The following SLC30A8 variants were observed in gnomAD, a reference collection of about 807,000 sequenced individuals.
SLC30A8 encodes solute carrier family 30 member 8.
SLC30A8 carries 27 observed loss-of-function variants against 36.9 expected under a neutral mutation model. The observed-to-expected ratio is 0.73, with a 90% CI of 0.54 to 1.01. The LOEUF is 1.01. Among genes scored for constraint, SLC30A8 ranks in the 50% least tolerant of loss-of-function variants. SLC30A8 has a pLI of 0.00. For synonymous variants in SLC30A8, 164 were observed against 172.4 expected, an observed-to-expected ratio of 0.95 and a Z score of 0.38; for missense variants, 439 against 452.0, an observed-to-expected ratio of 0.97 and a Z score of 0.26.
intron 1 of SLC30A8, among the ~76,000 whole-genome samples, chr8:117,137,728 A>G (rs1244261005): frequency 1.3e-5 from 2 of 151,892 alleles, no homozygotes; most frequent in Non-Finnish European, 2.9e-5. Context: ...TCCTTATGTG[A>G]CAGTCCAGAG....
chr8:117,046,791 G>T (rs891512470), intron 2 of SLC30A8, among the ~76,000 whole-genome samples: 4 of 152,156 alleles, frequency 2.6e-5, no homozygotes, highest in African/African-American at 9.7e-5. Context: ...CCACTCTACG[G>T]ATTTCCTGCC....
chr8:117,087,136 C>G (rs1818911056), intron 2 of SLC30A8, among the ~76,000 whole-genome samples: 1 of 152,034 alleles, frequency 6.6e-6, no homozygotes, highest in Non-Finnish European at 1.5e-5. Context: ...GATATGGTAG[C>G]TTTGAAGGAA....
intron 1 of SLC30A8, among the ~76,000 whole-genome samples, chr8:117,021,576 C>T (rs1167743218): frequency 6.6e-6 from 1 of 152,154 alleles, no homozygotes; most frequent in Admixed American, 6.5e-5. Context: ...CACATTCATC[C>T]ACATTTTCAA....
chr8:117,133,261 T>A (rs2130927938), upstream of SLC30A8, among the ~76,000 whole-genome samples: 1 of 152,100 alleles, frequency 6.6e-6, no homozygotes, highest in Non-Finnish European at 1.5e-5. Context: ...GGTCTCTCAT[T>A]GTCTCTTTTC....
intron 2 of SLC30A8, among the ~76,000 whole-genome samples, chr8:117,124,445 A>G (rs190107412): frequency 4.6e-5 from 7 of 151,994 alleles, no homozygotes; most frequent in African/African-American, 1.2e-4. Context: ...ACCCGGGCTC[A>G]TGCAGGCTCA....
intron 1 of SLC30A8, among the ~76,000 whole-genome samples, chr8:116,964,335 A>G (rs1189265713): frequency 2.0e-5 from 3 of 152,256 alleles, no homozygotes; most frequent in Non-Finnish European, 4.4e-5. Context: ...CTGTTAATTT[A>G]AAGCAGAAGC....
intron 7 of SLC30A8, among the ~76,000 whole-genome samples, chr8:117,171,768 A>G (rs1823399283): frequency 1.3e-5 from 2 of 152,130 alleles, no homozygotes. Context: ...AGCTGGGAGG[A>G]TAGGCAGTGG....
In SLC30A8 at chr8:117,157,740, C is replaced by T. The variant is rs757129691; in HGVS notation, c.468C>T (p.Gly156=). 1.8e-5 allele frequency: 29 copies of T among 1,613,874 alleles called. No individual in the cohort carries two copies. In the East Asian group the frequency reaches 2.5e-4, roughly 14 times the overall value. The change falls in exon 4 of 8, where the codon GGC becomes GGT. Residue 156 remains glycine, a synonymous_variant. Coordinates refer to ENST00000456015, the MANE Select transcript of SLC30A8 (RefSeq NM_173851.3). ...TCCTGTGCATCTGGGTGGTGACTGG[C>T]GTGCTAGTGTACCTGGCATGTGAGC... ...LSILCIWVVT[G]VLVYLACERL...
intron 2 of SLC30A8, among the ~76,000 whole-genome samples, chr8:117,069,383 T>C (rs1171965839): frequency 6.6e-6 from 1 of 152,242 alleles, no homozygotes; most frequent in Non-Finnish European, 1.5e-5. Context: ...TACAGAGCAC[T>C]TAGCATATTT....
intron 2 of SLC30A8, among the ~76,000 whole-genome samples, chr8:117,041,262 G>C (rs2130756933): frequency 6.6e-6 from 1 of 152,350 alleles, no homozygotes; most frequent in East Asian, 1.9e-4. Flanking sequence ...TGAGGGAGGG[G>C]TGGAGAAGAG....
chr8:117,170,835 G>C (rs1823337555), intron 6 of SLC30A8, among the ~76,000 whole-genome samples, 199 bp from the exon 7 acceptor site: 1 of 152,164 alleles, frequency 6.6e-6, no homozygotes, highest in African/African-American at 2.4e-5. Context: ...AATTCTGCAA[G>C]TATTCTGAGT....
intron 2 of SLC30A8, among the ~76,000 whole-genome samples, chr8:117,083,694 A>T (rs939611762): frequency 2.6e-5 from 4 of 152,174 alleles, no homozygotes; most frequent in Non-Finnish European, 2.9e-5. Flanking sequence ...TAGATCATGT[A>T]GCTATGAGAT....
chr8:117,004,278 G>A (rs1399116686), intron 1 of SLC30A8, among the ~76,000 whole-genome samples: 1 of 152,172 alleles, frequency 6.6e-6, no homozygotes, highest in African/African-American at 2.4e-5. Flanking sequence ...GTGTCACAAA[G>A]TTATTGTAGA....
intron 1 of SLC30A8, among the ~76,000 whole-genome samples, chr8:117,018,653 A>C (rs1245543798): frequency 2.7e-5 from 4 of 148,038 alleles, no homozygotes; most frequent in African/African-American, 7.4e-5. Context: ...CTGTGGGCCA[A>C]ATCTGACTAG....
Position 117,147,101 on chromosome 8 carries a change from A to C in SLC30A8, c.219A>C (p.Lys73Asn). The C allele has an allele frequency of 6.2e-7, 1 of 1,613,918 alleles. No homozygotes were observed. The highest frequency in any genetic ancestry group is 8.5e-7 in the Non-Finnish European group (1 of 1,179,962). ...GANEYAYAKW[K>N]LCSASAICFI... ...ATGAGTACGCCTATGCCAAGTGGAA[A>C]CTCTGTTCTGCTTCAGCAATATGCT... Residue 73 changes from lysine to asparagine, a missense_variant, in exon 2 of 8, where the codon AAA becomes AAC. Transcript: ENST00000456015.
intron 6 of SLC30A8, among the ~76,000 whole-genome samples, chr8:117,169,811 T>A (rs7002176): frequency 0.41 from 61,641 of 151,774 alleles, 13,211 homozygotes; most frequent in African/African-American, 0.55. Context: ...TCACTCATCA[T>A]CGCAAAGACA....
intron 1 of SLC30A8, among the ~76,000 whole-genome samples, chr8:116,989,532 T>C (rs1815559849): frequency 6.6e-6 from 1 of 152,212 alleles, no homozygotes. Context: ...TTACTCAATT[T>C]ATTCAAAATA....
chr8:117,000,726 G>A (rs1815982072), intron 1 of SLC30A8, among the ~76,000 whole-genome samples: 1 of 152,176 alleles, frequency 6.6e-6, no homozygotes, highest in South Asian at 2.1e-4. Flanking sequence ...ATTGTTCTAA[G>A]TGGTTTAATA....
chr8:117,162,901 C>T (rs1394969683), intron 5 of SLC30A8, among the ~76,000 whole-genome samples: 1 of 152,206 alleles, frequency 6.6e-6, no homozygotes, highest in East Asian at 1.9e-4. Context: ...TTTAAGACTG[C>T]ATCAAAGATG....
Sources: allele counts gnomAD v4.1 joint callset (sites outside exome capture counted in the v4.1 genomes callset), GRCh38; gene constraint gnomAD v4.1.1; transcripts MANE v1.5; gene names NCBI Gene and HGNC (gene_info 2026-07-23, HGNC 2026-07-21).